The following ZNF430 variants were observed in gnomAD, a reference collection of about 807,000 sequenced individuals.
ZNF430 encodes the protein zinc finger protein 430.
Under a neutral mutation model 56.7 loss-of-function variants are expected in ZNF430, and 35 were observed. The observed-to-expected ratio is 0.62, with a 90% CI of 0.47 to 0.82. The LOEUF (loss-of-function observed/expected upper bound fraction) is 0.82, where lower values mean the gene tolerates loss of function less well. Among genes scored for constraint, ZNF430 ranks in the 40% least tolerant of loss-of-function variants. The pLI is 0.00. For missense variants in ZNF430, 574 were observed against 661.0 expected, an observed-to-expected ratio of 0.87 and a Z score of 1.44; for synonymous variants, 212 against 224.3, an observed-to-expected ratio of 0.94 and a Z score of 0.49.
chr19:21,048,078 T>C (rs1469229185), intron 4 of ZNF430, among the ~76,000 whole-genome samples: 2 of 152,140 alleles, frequency 1.3e-5, no homozygotes, highest in African/African-American at 4.8e-5. Flanking sequence ...GATTATTTTT[T>C]CATTTTTTGC....
intron 3 of ZNF430, 69 bp from the exon 4 acceptor site, chr19:21,034,017 A>G (rs889057157): frequency 3.4e-6 from 4 of 1,180,180 alleles, no homozygotes; most frequent in Non-Finnish European, 4.9e-6. Context: ...CATCCTCTTT[A>G]CTAAGCACAG....
chr19:21,036,708 T>A (rs1288572978), intron 4 of ZNF430: 1 of 149,132 alleles, frequency 6.7e-6, no homozygotes, highest in Admixed American at 6.8e-5. Flanking sequence ...AAGACTGAGG[T>A]GGGAGGGTTA....
intron 2 of ZNF430, chr19:21,025,834 A>T (rs576106243): frequency 4.5e-6 from 1 of 223,280 alleles, no homozygotes; most frequent in East Asian, 1.2e-4. Flanking sequence ...TTAGTCAGCC[A>T]TTGGAACTGG....
At chr19:21,022,442 ATT>A (rs1967709563) in intron 1 of ZNF430, among the ~76,000 whole-genome samples, 1 of 152,076 alleles carries the variant, frequency 6.6e-6, no homozygotes, top group Admixed American at 6.5e-5. Context: ...TTAATTAGTT[ATT>A]TTCTGACAAA....
At chr19:21,039,998 C>T (rs139186149) in intron 4 of ZNF430, among the ~76,000 whole-genome samples, 4 of 152,118 alleles carry the variant, frequency 2.6e-5, no homozygotes, top group South Asian at 4.1e-4. Context: ...TACCGTGCCT[C>T]GCTAATTTTT....
At chr19:21,054,912 G>T (rs1416951622) in intron 4 of ZNF430, among the ~76,000 whole-genome samples, 1 of 151,700 alleles carries the variant, frequency 6.6e-6, no homozygotes, top group African/African-American at 2.4e-5. Flanking sequence ...CTGACCTCGT[G>T]ATGCACCTGT....
In ZNF430 at chr19:21,057,551, A is replaced by G. The variant is rs1217782163; in HGVS notation, c.1243A>G (p.Thr415Ala). 3 of 1,611,616 alleles carry G rather than the reference A, an allele frequency of 1.9e-6. No individual in the cohort carries two copies. Among genetic ancestry groups the G allele is most frequent in the Non-Finnish European group, 2.5e-6 (3 of 1,179,620 alleles). Residue 415 changes from threonine to alanine, a missense_variant, in exon 5 of 5, where the codon ACC becomes GCC. Coordinates refer to ENST00000261560, the MANE Select transcript of ZNF430 (RefSeq NM_025189.4). Reference protein sequence around the residue: ...ECGKGFNWSSTLTKHKRIHTG... With the variant: ...ECGKGFNWSSALTKHKRIHTG... The stretch of plus-strand genomic sequence containing the variant: ...TGGCAAAGGCTTTAATTGGTCCTCG[A>G]CCCTTACTAAACATAAAAGAATTCA...
chr19:21,023,912 G>T (rs8112436), intron 2 of ZNF430, among the ~76,000 whole-genome samples: 7,094 of 152,174 alleles, frequency 0.047, 560 homozygotes, highest in African/African-American at 0.16. Context: ...TTATGTGAAA[G>T]AAATAGATAT....
At chr19:21,027,124 G>A (rs949573852) in intron 2 of ZNF430, among the ~76,000 whole-genome samples, 29 of 151,980 alleles carry the variant, frequency 1.9e-4, no homozygotes, top group Non-Finnish European at 3.5e-4. Context: ...CCCCATGCCC[G>A]GCAGATGCCT....
chr19:21,024,565 G>A lies in ZNF430; in HGVS notation c.96+1684G>A, dbSNP rs551285772. On this transcript the variant is annotated intron_variant, in intron 2 of 4. Transcript: ENST00000261560. ...GAGGCCGAGGCAGGCGGATCATGAG[G>A]TCAGGAGATGGAGACCATCCTGGCT... Among the ~76,000 whole-genome samples the A allele has an allele frequency of 3.5e-3, 535 of 152,144 alleles. 4 individuals carry two copies. Among genetic ancestry groups the A allele is most frequent in the Middle Eastern group, 6.8e-3 (2 of 294 alleles).
intron 4 of ZNF430, among the ~76,000 whole-genome samples, chr19:21,051,988 A>G (rs1371501846): frequency 6.6e-6 from 1 of 151,816 alleles, no homozygotes; most frequent in East Asian, 1.9e-4. Context: ...TGCAATGAGA[A>G]ATTAAAAAAA....
chr19:21,026,827 C>CTTTTTTTTTTTTTTTTTTTTTTTTTT (rs747809260), intron 2 of ZNF430, among the ~76,000 whole-genome samples: 15 of 68,728 alleles, frequency 2.2e-4, no homozygotes, highest in East Asian at 1.0e-3. Context: ...CTTTTCTTTT[C>CTTTTTTTTTTTTTTTTTTTTTTTTTT]TTTTTTTTTT....
At chr19:21,038,818 A>G (rs1968049345) in intron 4 of ZNF430, among the ~76,000 whole-genome samples, 1 of 152,222 alleles carries the variant, frequency 6.6e-6, no homozygotes, top group South Asian at 2.1e-4. Flanking sequence ...AAAAATTTTA[A>G]ACAATATTTG....
intron 2 of ZNF430, among the ~76,000 whole-genome samples, chr19:21,027,503 G>A (rs1485001051): frequency 6.6e-6 from 1 of 152,004 alleles, no homozygotes; most frequent in East Asian, 1.9e-4. Flanking sequence ...TGATTATAGT[G>A]GATTAGCTTT....
At chr19:21,036,686 C>G (rs1028188295) in intron 4 of ZNF430, 1 of 151,408 alleles carries the variant, frequency 6.6e-6, no homozygotes, top group African/African-American at 2.4e-5. Context: ...ATCTGTGGTT[C>G]AGGCTACTTG....
At chr19:21,056,566 G>T in intron 4 of ZNF430, 65 bp from the exon 5 acceptor site, 1 of 1,218,666 alleles carries the variant, frequency 8.2e-7, no homozygotes, top group Non-Finnish European at 1.1e-6. Flanking sequence ...ATATGGGTTA[G>T]ATTTGTAAAG....
At chr19:21,041,150 T>G (rs1968095245) in intron 4 of ZNF430, among the ~76,000 whole-genome samples, 1 of 152,088 alleles carries the variant, frequency 6.6e-6, no homozygotes, top group African/African-American at 2.4e-5. Context: ...ATTTTTGAGA[T>G]AGAGTCTCAT....
chr19:21,057,785 G>A lies in ZNF430; in HGVS notation c.1477G>A (p.Ala493Thr), dbSNP rs1163987007. ...KPYKCEECGK[A>T]FNQFSNLTKH... ...CTACAAATGTGAAGAATGTGGCAAA[G>A]CTTTTAACCAATTCTCAAACCTTAC... Residue 493 changes from alanine to threonine, a missense_variant, in exon 5 of 5, where the codon GCT (alanine) becomes ACT (threonine). Around this residue, in one of 3 missense-constraint regions of ZNF430, gnomAD observed 213 missense variants for 221.0 expected, o/e 0.96. Transcript: ENST00000261560. 2 of 1,613,886 alleles carry A rather than the reference G, an allele frequency of 1.2e-6. No individual in the cohort carries two copies. Among genetic ancestry groups the A allele is most frequent in the Non-Finnish European group, 1.7e-6 (2 of 1,180,018 alleles).
rs553771802 is a variant in ZNF430, at chr19:21,031,783, T to A, written c.97-1673T>A. ...TAAACGTGTCTCAGAAGAAGAGCTGTGTGCACTCTGCTTCATGGAATGCCA... is the reference window on the plus strand; with the variant it reads ...TAAACGTGTCTCAGAAGAAGAGCTGAGTGCACTCTGCTTCATGGAATGCCA... On this transcript the variant is annotated intron_variant, in intron 2 of 4. Transcript: ENST00000261560. Among the ~76,000 whole-genome samples, 142 of 152,298 alleles carry A rather than the reference T, an allele frequency of 9.3e-4. 1 individual carries two copies. Among genetic ancestry groups the A allele is most frequent in the African/African-American group, 3.3e-3 (137 of 41,566 alleles).
Sources: allele counts gnomAD v4.1 joint callset (sites outside exome capture counted in the v4.1 genomes callset), GRCh38; gene constraint gnomAD v4.1.1; regional missense constraint gnomAD v4.1.1; transcripts MANE v1.5; gene names NCBI Gene and HGNC (gene_info 2026-07-23, HGNC 2026-07-21).